The following NTRK1 variants were observed in gnomAD, a reference collection of about 807,000 sequenced individuals.
NTRK1 encodes high affinity nerve growth factor receptor.
In NTRK1, 62 loss-of-function variants were observed where a neutral mutation model predicts 86.8. That is an observed-to-expected ratio of 0.71 (90% CI 0.58 to 0.88). The LOEUF (loss-of-function observed/expected upper bound fraction) is 0.88, where lower values mean the gene tolerates loss of function less well. Ranked by LOEUF, NTRK1 falls within the 40% of genes least tolerant of loss-of-function variation. NTRK1 has a pLI of 0.00. For synonymous variants in NTRK1, 469 were observed against 456.6 expected (o/e 1.03, Z -0.35); for missense variants, 967 against 1,078.4 (o/e 0.90, Z 1.45).
At chr1:156,842,512 G>A (rs1654838953) in intron 2 of NTRK1, 4 of 1,612,386 alleles carry the variant, frequency 2.5e-6, no homozygotes, top group Non-Finnish European at 3.4e-6. Context: ...GACGCACCTG[G>A]GACAGACAAA....
upstream of NTRK1, among the ~76,000 whole-genome samples, chr1:156,860,272 G>A (rs547702684): frequency 1.2e-3 from 189 of 152,320 alleles, no homozygotes; most frequent in Non-Finnish European, 2.3e-3. Context: ...CCACCCTGTG[G>A]CTTCTCTTGG....
At chr1:156,856,678 A>G (rs1193482498), upstream of NTRK1, among the ~76,000 whole-genome samples, 1 of 151,990 alleles carries the variant, frequency 6.6e-6, no homozygotes, top group Non-Finnish European at 1.5e-5. Context: ...CACCCCCTCC[A>G]AGGAGGGTGG....
chr1:156,841,404 G>T, intron 1 of NTRK1: 1 of 1,613,560 alleles, frequency 6.2e-7, no homozygotes, highest in Non-Finnish European at 8.5e-7. Flanking sequence ...AGCTGAAGGG[G>T]ACAGCCCTCC....
chr1:156,831,054 C>T (rs1654457503), intron 1 of NTRK1, among the ~76,000 whole-genome samples: 1 of 152,206 alleles, frequency 6.6e-6, no homozygotes, highest in Non-Finnish European at 1.5e-5. Context: ...TGCTGCTGGG[C>T]CCTGAAAGGG....
chr1:156,823,955 G>A (rs552085201), intron 1 of NTRK1, among the ~76,000 whole-genome samples: 1 of 152,314 alleles, frequency 6.6e-6, no homozygotes, highest in African/African-American at 2.4e-5. Context: ...TGCACCCTGT[G>A]TGCACACTTC....
intron 2 of NTRK1, chr1:156,844,172 C>T: frequency 6.2e-7 from 1 of 1,609,932 alleles, no homozygotes; most frequent in Non-Finnish European, 8.5e-7. Context: ...GACTTATCAT[C>T]ACCTCTTCTT....
At chr1:156,864,543 G>A (rs1655836192) in intron 2 of NTRK1, 115 bp downstream of exon 2, 1 of 1,211,128 alleles carries the variant, frequency 8.3e-7, no homozygotes, top group Non-Finnish European at 1.2e-6. Context: ...GCTGAGCACT[G>A]AGGGACTGGG....
chr1:156,859,413 C>G (rs1056016522), upstream of NTRK1, among the ~76,000 whole-genome samples: 1 of 152,138 alleles, frequency 6.6e-6, no homozygotes, highest in Non-Finnish European at 1.5e-5. This position sits in a 1 kb window ranked among gnomAD's most constrained non-coding sequence, Gnocchi z 6.2. Context: ...GGGCAGCCAG[C>G]GCGCCCGGGC....
chr1:156,862,338 G>C (rs938377012), intron 1 of NTRK1, among the ~76,000 whole-genome samples: 1 of 152,178 alleles, frequency 6.6e-6, no homozygotes, highest in Non-Finnish European at 1.5e-5. Flanking sequence ...TGCATGATGG[G>C]AGGGGGCATG....
chr1:156,845,407 A>G (rs575518886), intron 2 of NTRK1: 13 of 1,559,418 alleles, frequency 8.3e-6, no homozygotes, highest in Admixed American at 5.4e-5. Flanking sequence ...TCACCTTCCA[A>G]GGGGATCTGG....
rs2102931741 is a variant in NTRK1, at chr1:156,881,656, G to T, written c.*14G>T. 1 of 1,595,862 alleles carries T rather than the reference G, an allele frequency of 6.3e-7. No individual in the cohort carries two copies. The highest frequency in any genetic ancestry group is 8.5e-7 in the Non-Finnish European group (1 of 1,172,076). ...GTCCTGGGCTAGGGGGCCGGCCCAG[G>T]GGCTGGGAGTGGTTAGCCGGAATAC... On this transcript the variant is annotated 3_prime_UTR_variant, in exon 17 of 17. Transcript: ENST00000524377.
chr1:156,864,452 T>C, intron 2 of NTRK1, 24 bp downstream of exon 2: 2 of 1,609,560 alleles, frequency 1.2e-6, no homozygotes, highest in Middle Eastern at 1.7e-4. Flanking sequence ...GGACTGTGGG[T>C]GTGGAGCTCA....
chr1:156,876,671 A>G lies in NTRK1; in HGVS notation c.1805+99A>G. The G allele has an allele frequency of 2.1e-6, 3 of 1,423,438 alleles. No individual in the cohort carries two copies. The South Asian group carries it at 3.7e-5, about 17-fold the overall frequency. 88.2% of individuals were successfully genotyped at this position (1,423,438 alleles called of 1,614,324 possible). A position where few individuals can be genotyped will look rare whatever the true frequency, so the allele number is the denominator to read the frequency against. On this transcript the variant is annotated intron_variant, in intron 14 of 16. Coordinates refer to ENST00000524377, the MANE Select transcript of NTRK1 (RefSeq NM_002529.4). The stretch of plus-strand genomic sequence containing the variant: ...CCTGCTTGTCTTTCAAACCAAGGGG[A>G]GACACCAAGAAAGATCAGGAAGGCA...
chr1:156,841,067 G>T, intron 1 of NTRK1: 1 of 1,575,480 alleles, frequency 6.3e-7, no homozygotes, highest in South Asian at 1.2e-5. Context: ...GGGCGCAGGC[G>T]TGGGTTCGGC....
At chr1:156,844,593 C>A in intron 2 of NTRK1, 1 of 1,614,158 alleles carries the variant, frequency 6.2e-7, no homozygotes, top group Non-Finnish European at 8.5e-7. Flanking sequence ...CTTCGCATAT[C>A]GAAGACGGGA....
intron 1 of NTRK1, among the ~76,000 whole-genome samples, chr1:156,836,486 T>C (rs1654602660): frequency 6.6e-6 from 1 of 152,178 alleles, no homozygotes; most frequent in Admixed American, 6.5e-5. Context: ...TACCTCCCTC[T>C]GTGTGGAAGG....
chr1:156,874,847 A>T (rs1647797695), intron 10 of NTRK1, 59 bp from the exon 11 acceptor site: 2 of 1,350,310 alleles, frequency 1.5e-6, no homozygotes, highest in African/African-American at 2.9e-5. Context: ...GGCTTACTAC[A>T]GGAGGCTCTG....
chr1:156,880,194 C>T (rs775471353), intron 16 of NTRK1, 37 bp downstream of exon 16: 201 of 1,608,712 alleles, frequency 1.2e-4, no homozygotes, highest in Non-Finnish European at 1.7e-4. Context: ...TGCTGGCCTC[C>T]CCGTCCCATG....
At chr1:156,834,030 C>T (rs1245018011) in intron 1 of NTRK1, among the ~76,000 whole-genome samples, 1 of 152,206 alleles carries the variant, frequency 6.6e-6, no homozygotes, top group Non-Finnish European at 1.5e-5. Context: ...TCAACCCTTT[C>T]ACACCAGTAA....
Sources: gnomAD v4.1 joint callset for allele counts (sites outside exome capture counted in the v4.1 genomes callset) on GRCh38, gnomAD v4.1.1 for gene constraint, Gnocchi (gnomAD v3.1) non-coding constraint, MANE v1.5 for transcripts, NCBI Gene and HGNC (gene_info 2026-07-23, HGNC 2026-07-21) for gene names.